SUGCT: variants seen among roughly 807,000 people sequenced by gnomAD.
SUGCT encodes succinyl-CoA:glutarate-CoA transferase, also known as succinyl-CoA:glutarate CoA-transferase.
A neutral mutation model predicts 55.0 loss-of-function variants in SUGCT; 41 were observed. The ratio of observed to expected loss-of-function variants is 0.74; its 90% confidence interval spans 0.58 to 0.97. SUGCT has a LOEUF of 0.97. Among genes scored for constraint, SUGCT ranks in the 50% least tolerant of loss-of-function variants. The probability of loss-of-function intolerance (pLI) is 0.00; values close to 1 mark genes in which losing one functional copy is unlikely to be tolerated. For missense variants in SUGCT, 568 were observed against 547.8 expected, an observed-to-expected ratio of 1.04 and a Z score of -0.37; for synonymous variants, 187 against 200.4, an observed-to-expected ratio of 0.93 and a Z score of 0.56.
At chr7:40,231,985 C>G (rs1043990887) in intron 6 of SUGCT, among the ~76,000 whole-genome samples, 4 of 152,088 alleles carry the variant, frequency 2.6e-5, no homozygotes, top group African/African-American at 2.4e-5. Flanking sequence ...CCTGTGGTCA[C>G]AGTTACTTGG....
At chr7:40,824,521 T>C (rs1047373200) in intron 13 of SUGCT, among the ~76,000 whole-genome samples, 1 of 152,158 alleles carries the variant, frequency 6.6e-6, no homozygotes, top group African/African-American at 2.4e-5. Context: ...ATACATGATA[T>C]AATATGGTAT....
chr7:40,848,096 G>A (rs12532916), intron 13 of SUGCT, among the ~76,000 whole-genome samples: 2,117 of 152,234 alleles, frequency 0.014, 140 homozygotes, highest in East Asian at 0.1. Context: ...AAAGTCTGTT[G>A]GATTCCACAC....
intron 6 of SUGCT, among the ~76,000 whole-genome samples, chr7:40,208,093 A>G (rs1787097124): frequency 6.6e-6 from 1 of 152,340 alleles, no homozygotes; most frequent in East Asian, 1.9e-4. Context: ...GAAAAGGTCA[A>G]GTACTGTATG....
the SUGCT span, among the ~76,000 whole-genome samples, chr7:40,945,089 A>G: frequency 6.6e-6 from 1 of 151,906 alleles, no homozygotes; most frequent in Non-Finnish European, 1.5e-5. Flanking sequence ...AGTAGAGGGG[A>G]TATCTATGGG....
the SUGCT span, among the ~76,000 whole-genome samples, chr7:40,890,497 C>T: frequency 6.6e-6 from 1 of 151,906 alleles, no homozygotes; most frequent in Non-Finnish European, 1.5e-5. Context: ...CATCTGAGGA[C>T]TCAGTCATCA....
At chr7:40,888,864 G>A in the SUGCT span, among the ~76,000 whole-genome samples, 431 of 152,344 alleles carry the variant, frequency 2.8e-3, 1 homozygote, top group Middle Eastern at 6.8e-3. Context: ...AGATGCACCT[G>A]GGTGTGGCAG....
At chr7:40,763,671 G>A (rs767665468) in intron 13 of SUGCT, among the ~76,000 whole-genome samples, 2 of 152,138 alleles carry the variant, frequency 1.3e-5, no homozygotes, top group African/African-American at 2.4e-5. Context: ...AAGGAAGGGC[G>A]GTTGGCTCCA....
intron 12 of SUGCT, among the ~76,000 whole-genome samples, chr7:40,505,153 A>G (rs561437106): frequency 1.3e-4 from 19 of 151,518 alleles, no homozygotes; most frequent in Non-Finnish European, 1.6e-4. Context: ...TTTAATATCT[A>G]TTTTCTGATA....
rs765680260 is a variant in SUGCT, at chr7:40,799,074, C to CAT, written c.1153+49577_1153+49578insAT. Among the ~76,000 whole-genome samples, 179 of 152,236 alleles carry CAT rather than the reference C, an allele frequency of 1.2e-3. 1 individual carries two copies. Among genetic ancestry groups the CAT allele is most frequent in the Non-Finnish European group, 1.8e-3 (120 of 68,014 alleles). ...CACAGCCCCCTTGAGCAAAGGAACT[C>CAT]TTATGAGACAGGATGGACTCTGGGC... On this transcript the variant is annotated intron_variant, in intron 13 of 13. Coordinates refer to ENST00000335693, the MANE Select transcript of SUGCT (RefSeq NM_001193313.2).
intron 9 of SUGCT, among the ~76,000 whole-genome samples, chr7:40,357,844 A>G (rs532500111): frequency 6.0e-4 from 92 of 152,172 alleles, no homozygotes; most frequent in East Asian, 7.7e-4. Flanking sequence ...TGTAAAGAAC[A>G]TTCTTAGCTT....
intron 13 of SUGCT, among the ~76,000 whole-genome samples, chr7:40,761,855 AG>A (rs1459319018): frequency 6.6e-6 from 1 of 152,142 alleles, no homozygotes; most frequent in Non-Finnish European, 1.5e-5. Flanking sequence ...CCGTCCTCCG[AG>A]GGTCAGGATT....
At chr7:40,319,033 A>T (rs1795587365) in intron 9 of SUGCT, among the ~76,000 whole-genome samples, 1 of 152,190 alleles carries the variant, frequency 6.6e-6, no homozygotes, top group Admixed American at 6.5e-5. Context: ...AAAGTAAAAG[A>T]CATAGGATTT....
chr7:40,777,054 C>T (rs17439448), intron 13 of SUGCT, among the ~76,000 whole-genome samples: 15,610 of 152,168 alleles, frequency 0.1, 835 homozygotes, highest in Middle Eastern at 0.18. Context: ...TATGGTGTAA[C>T]GGGGATCTCC....
the SUGCT span, among the ~76,000 whole-genome samples, chr7:41,012,582 C>G: frequency 6.6e-6 from 1 of 152,146 alleles, no homozygotes; most frequent in South Asian, 2.1e-4. Flanking sequence ...TATCTGAGGC[C>G]TCCATGGTGA....
the SUGCT span, among the ~76,000 whole-genome samples, chr7:40,980,850 C>T: frequency 1.3e-5 from 2 of 152,268 alleles, no homozygotes; most frequent in African/African-American, 2.4e-5. Flanking sequence ...GCACACACCA[C>T]CAAGCCAGGC....
intron 13 of SUGCT, among the ~76,000 whole-genome samples, chr7:40,792,305 C>A (rs190036519): frequency 3.5e-4 from 54 of 152,184 alleles, no homozygotes; most frequent in African/African-American, 1.3e-3. Context: ...TTTATGGGAG[C>A]AGTGTCATCT....
chr7:40,523,857 A>G (rs368134358), intron 12 of SUGCT, among the ~76,000 whole-genome samples: 12 of 152,118 alleles, frequency 7.9e-5, no homozygotes, highest in African/African-American at 2.7e-4. Context: ...TACTGTGGCT[A>G]CATAGTACAG....
chr7:40,546,019 C>T (rs1359827114), intron 12 of SUGCT, among the ~76,000 whole-genome samples: 1 of 152,180 alleles, frequency 6.6e-6, no homozygotes, highest in Non-Finnish European at 1.5e-5. Flanking sequence ...TGAAGTTCAA[C>T]ATCCAGGAAG....
intron 9 of SUGCT, among the ~76,000 whole-genome samples, chr7:40,321,008 C>G (rs1176265267): frequency 6.6e-6 from 1 of 152,002 alleles, no homozygotes; most frequent in Non-Finnish European, 1.5e-5. Flanking sequence ...ATTTAGCTCC[C>G]ACTTATAAGT....
Sources: gnomAD v4.1 joint callset for allele counts (sites outside exome capture counted in the v4.1 genomes callset) on GRCh38, gnomAD v4.1.1 for gene constraint, MANE v1.5 for transcripts, NCBI Gene and HGNC (gene_info 2026-07-23, HGNC 2026-07-21) for gene names.